Variants in KPNA5 observed in about 807,000 individuals in gnomAD.
KPNA5 encodes the protein importin subunit alpha-6.
A neutral mutation model predicts 71.3 loss-of-function variants in KPNA5; 46 were observed. The observed-to-expected ratio is 0.65, with a 90% CI of 0.51 to 0.83. The LOEUF is 0.83. Among genes scored for constraint, KPNA5 ranks in the 40% least tolerant of loss-of-function variants. The pLI is 0.00. For missense variants in KPNA5, 547 were observed against 628.3 expected (o/e 0.87, Z 1.38); for synonymous variants, 207 against 201.4 (o/e 1.03, Z -0.24).
intron 13 of KPNA5, among the ~76,000 whole-genome samples, chr6:116,731,382 A>G (rs1309087977): frequency 6.6e-6 from 1 of 152,166 alleles, no homozygotes; most frequent in Non-Finnish European, 1.5e-5. Flanking sequence ...TTTGACCCCG[A>G]GTCAGACTAG....
intron 1 of KPNA5, among the ~76,000 whole-genome samples, chr6:116,688,065 T>G (rs1247226401): frequency 6.6e-6 from 1 of 152,138 alleles, no homozygotes; most frequent in African/African-American, 2.4e-5. Context: ...TCAAAAACTT[T>G]GCCTTTGCAT....
At chr6:116,688,977 A>G (rs1251177282) in intron 1 of KPNA5, among the ~76,000 whole-genome samples, 1 of 152,124 alleles carries the variant, frequency 6.6e-6, no homozygotes, top group Non-Finnish European at 1.5e-5. Context: ...CAAATAATTC[A>G]TGATTATTTC....
chr6:116,684,279 T>C (rs1241022225), intron 1 of KPNA5, among the ~76,000 whole-genome samples: 1 of 152,116 alleles, frequency 6.6e-6, no homozygotes, highest in Non-Finnish European at 1.5e-5. Context: ...TATTAAATAT[T>C]TTAAAGGAGG....
intron 7 of KPNA5, among the ~76,000 whole-genome samples, chr6:116,713,343 T>A (rs1350632217): frequency 6.6e-6 from 1 of 152,232 alleles, no homozygotes; most frequent in Non-Finnish European, 1.5e-5. Flanking sequence ...TGCTGGATAT[T>A]GAAGTCTTGG....
intron 4 of KPNA5, among the ~76,000 whole-genome samples, chr6:116,697,787 G>A (rs1426525918): frequency 6.6e-6 from 1 of 151,996 alleles, no homozygotes; most frequent in Non-Finnish European, 1.5e-5. Flanking sequence ...TAACCATGAT[G>A]ATATAATGAG....
intron 9 of KPNA5, 150 bp from the exon 10 acceptor site, chr6:116,724,147 T>G: frequency 3.6e-6 from 2 of 547,970 alleles, no homozygotes; most frequent in South Asian, 5.7e-5. Context: ...CTGGATTAGA[T>G]CCTTTGTTAT....
intron 13 of KPNA5, among the ~76,000 whole-genome samples, chr6:116,730,113 G>GT (rs1250436629): frequency 7.9e-6 from 1 of 126,142 alleles, no homozygotes; most frequent in Non-Finnish European, 1.6e-5. Flanking sequence ...TTGAGACACA[G>GT]TTTTACTCCG....
At chr6:116,719,862 A>G (rs1322924077) in intron 8 of KPNA5, among the ~76,000 whole-genome samples, 2 of 136,698 alleles carry the variant, frequency 1.5e-5, no homozygotes, top group Admixed American at 7.2e-5. Flanking sequence ...AAAATAAAAA[A>G]TACAAATAAT....
intron 4 of KPNA5, 116 bp downstream of exon 4, chr6:116,692,508 A>T: frequency 1.5e-6 from 1 of 657,064 alleles, no homozygotes; most frequent in African/African-American, 1.9e-5. Flanking sequence ...CAGGTGTTAT[A>T]TTCTCTGCAA....
At chr6:116,696,707 C>T (rs1161064104) in intron 4 of KPNA5, among the ~76,000 whole-genome samples, 1 of 151,794 alleles carries the variant, frequency 6.6e-6, no homozygotes, top group Non-Finnish European at 1.5e-5. Context: ...GGAGATATTC[C>T]CCCTATACTA....
chr6:116,705,556 T>G (rs990815578), intron 7 of KPNA5, among the ~76,000 whole-genome samples: 2 of 152,180 alleles, frequency 1.3e-5, no homozygotes, highest in Non-Finnish European at 2.9e-5. Flanking sequence ...AAGATAGAGA[T>G]TTTTCTTTCA....
chr6:116,698,731 T>C lies in KPNA5; in HGVS notation c.368T>C (p.Ile123Thr), dbSNP rs1778120037. 1 of 1,597,318 alleles carries C rather than the reference T, an allele frequency of 6.3e-7. No individual in the cohort carries two copies. Among genetic ancestry groups the C allele is most frequent in the East Asian group, 2.3e-5 (1 of 43,972 alleles). ...CCTAATCCACCAATAGATCAAGTTATACAGAAACCAGGAGTTGTACAGAGA... is the reference window on the plus strand; with the variant it reads ...CCTAATCCACCAATAGATCAAGTTACACAGAAACCAGGAGTTGTACAGAGA... ...KEPNPPIDQV[I>T]QKPGVVQRFV... The change falls in exon 5 of 14, where the codon ATA (isoleucine) becomes ACA (threonine). Residue 123 changes from isoleucine to threonine, a missense_variant. Ile to Thr is a moderately conservative substitution (Grantham distance 89). Transcript: ENST00000368564.
chr6:116,681,395 G>A (rs1447151297), intron 1 of KPNA5, 57 bp downstream of exon 1: 3 of 1,519,298 alleles, frequency 2.0e-6, no homozygotes, highest in Non-Finnish European at 2.6e-6. Flanking sequence ...GTCCCTTTGG[G>A]AACTACTAGT....
intron 7 of KPNA5, among the ~76,000 whole-genome samples, chr6:116,705,623 A>AT (rs1291354798): frequency 2.6e-5 from 4 of 152,224 alleles, no homozygotes; most frequent in South Asian, 4.1e-4. Flanking sequence ...TACTTTACGT[A>AT]TTTTTTTAAA....
In KPNA5 at chr6:116,685,348, G is replaced by A. The variant is rs113445017; in HGVS notation, c.5-3972G>A. ...GCAAGCTTGTTGTATAGGTAAACTC[G>A]TGTCATGGGTGTTGTACAGATTATT... On this transcript the variant is annotated intron_variant, in intron 1 of 13. Coordinates refer to ENST00000368564, the MANE Select transcript of KPNA5 (RefSeq NM_001366306.2). Among the ~76,000 whole-genome samples the A allele has an allele frequency of 3.3e-3, 495 of 152,202 alleles. 1 individual carries two copies. Among genetic ancestry groups the A allele is most frequent in the African/African-American group, 0.012 (480 of 41,508 alleles).
chr6:116,695,282 T>A (rs1777980748), intron 4 of KPNA5, among the ~76,000 whole-genome samples: 1 of 152,214 alleles, frequency 6.6e-6, no homozygotes, highest in African/African-American at 2.4e-5. Flanking sequence ...AATTCATTAT[T>A]TGGCTTTTTT....
chr6:116,694,368 A>G (rs1340280253), intron 4 of KPNA5, among the ~76,000 whole-genome samples: 1 of 152,210 alleles, frequency 6.6e-6, no homozygotes, highest in Non-Finnish European at 1.5e-5. Flanking sequence ...CCTACCCATA[A>G]GCATGGAATG....
rs1400101419 is a variant in KPNA5 at position 116,740,146 on chromosome 6, T to C, written c.*7823T>C. The C allele has an allele frequency of 6.6e-6, 1 of 151,520 alleles. No homozygotes were observed. The highest frequency in any genetic ancestry group is 2.4e-5 in the African/African-American group (1 of 41,206). The allele number at this position is 151,520 out of a possible 1,614,324, so 9.4% of individuals were successfully genotyped here. A position where few individuals can be genotyped will look rare whatever the true frequency, so the allele number is the denominator to read the frequency against. ...AATCTACAATGAACTCAAACAAATT[T>C]ACAAGAAAAAAACAACCCCATCAAA... On this transcript the variant is annotated 3_prime_UTR_variant, in exon 14 of 14. Coordinates refer to ENST00000368564, the MANE Select transcript of KPNA5 (RefSeq NM_001366306.2).
intron 5 of KPNA5, among the ~76,000 whole-genome samples, chr6:116,700,510 T>C (rs1778191794): frequency 6.6e-6 from 1 of 152,110 alleles, no homozygotes; most frequent in African/African-American, 2.4e-5. Flanking sequence ...AAGTTGAGCA[T>C]TTATTAATCA....
Sources: gnomAD v4.1 joint callset for allele counts (sites outside exome capture counted in the v4.1 genomes callset) on GRCh38, gnomAD v4.1.1 for gene constraint, MANE v1.5 for transcripts, NCBI Gene and HGNC (gene_info 2026-07-23, HGNC 2026-07-21) for gene names.